HSF2BP: variants seen among roughly 807,000 people sequenced by gnomAD.
HSF2BP encodes heat shock factor 2-binding protein.
In HSF2BP, 35 loss-of-function variants were observed where a neutral mutation model predicts 35.0. The ratio of observed to expected loss-of-function variants is 1.00; its 90% CI spans 0.76 to 1.32. The LOEUF (loss-of-function observed/expected upper bound fraction) is 1.32, where lower values mean the gene tolerates loss of function less well. Ranked by LOEUF, HSF2BP falls within the 40% of genes most tolerant of loss-of-function variation. The pLI is 0.00. For synonymous variants in HSF2BP, 114 were observed against 117.4 expected (o/e 0.97, Z 0.18); for missense variants, 326 against 321.7 (o/e 1.01, Z -0.10).
chr21:43,609,379 A>C (rs1220686786), intron 7 of HSF2BP, among the ~76,000 whole-genome samples: 3 of 152,212 alleles, frequency 2.0e-5, no homozygotes, highest in Non-Finnish European at 4.4e-5. Flanking sequence ...AAACCTTGGC[A>C]TCACGCAATA....
At chr21:43,604,232 A>ACACCACT (rs1352407942) in intron 7 of HSF2BP, among the ~76,000 whole-genome samples, 1 of 147,340 alleles carries the variant, frequency 6.8e-6, no homozygotes, top group Non-Finnish European at 1.5e-5. Context: ...CACACACCAC[A>ACACCACT]CACCACTCAC....
chr21:43,571,921 G>A (rs2081582864), intron 8 of HSF2BP, among the ~76,000 whole-genome samples: 1 of 151,508 alleles, frequency 6.6e-6, no homozygotes, highest in African/African-American at 2.4e-5. Context: ...AAACAGCGGG[G>A]AGAGAGAGGG....
intron 8 of HSF2BP, among the ~76,000 whole-genome samples, chr21:43,581,953 T>C (rs12627618): frequency 1.1e-5 from 1 of 88,382 alleles, no homozygotes; most frequent in Non-Finnish European, 2.1e-5. Context: ...GAGGGTCTGC[T>C]GTGGGAGATG....
intron 3 of HSF2BP, among the ~76,000 whole-genome samples, chr21:43,649,946 T>C (rs1195050142): frequency 6.6e-6 from 1 of 152,204 alleles, no homozygotes; most frequent in East Asian, 1.9e-4. Flanking sequence ...GTGAACTACT[T>C]CAAAACCACC....
chr21:43,582,338 G>A (rs2081762193), intron 8 of HSF2BP, among the ~76,000 whole-genome samples: 2 of 140,324 alleles, frequency 1.4e-5, no homozygotes, highest in East Asian at 2.1e-4. Context: ...CGGGAGATGA[G>A]GGCCGGCTGA....
At chr21:43,595,623 A>G (rs1208388365) in intron 7 of HSF2BP, among the ~76,000 whole-genome samples, 1 of 150,706 alleles carries the variant, frequency 6.6e-6, no homozygotes, top group Admixed American at 6.6e-5. Flanking sequence ...GTGCTACTAC[A>G]CTCCAGCCTG....
chr21:43,619,126 A>G (rs1367674533), intron 6 of HSF2BP, among the ~76,000 whole-genome samples: 1 of 152,128 alleles, frequency 6.6e-6, no homozygotes, highest in East Asian at 1.9e-4. Flanking sequence ...TTCATACTTA[A>G]CAGACTAAAG....
intron 6 of HSF2BP, among the ~76,000 whole-genome samples, chr21:43,619,184 A>T (rs1412838715): frequency 6.6e-6 from 1 of 152,150 alleles, no homozygotes; most frequent in Non-Finnish European, 1.5e-5. Context: ...CAAAAAATTC[A>T]TGTGACTCAC....
chr21:43,633,188 CT>C, intron 5 of HSF2BP, 83 bp downstream of exon 5: 2 of 1,414,514 alleles, frequency 1.4e-6, no homozygotes, highest in Non-Finnish European at 1.9e-6. Flanking sequence ...TGGACTTAGT[CT>C]TTAAATGCCT....
intron 7 of HSF2BP, among the ~76,000 whole-genome samples, chr21:43,598,392 T>TA (rs1555860193): frequency 3.3e-5 from 5 of 150,514 alleles, no homozygotes; most frequent in Non-Finnish European, 7.4e-5. Context: ...TTTTTTTGTT[T>TA]TTTTTTTTTA....
At chr21:43,605,138 ACAC>A (rs1217919933) in intron 7 of HSF2BP, among the ~76,000 whole-genome samples, 1 of 150,026 alleles carries the variant, frequency 6.7e-6, no homozygotes, top group Non-Finnish European at 1.5e-5. Context: ...GATACCACAC[ACAC>A]ATCAGACACA....
chr21:43,634,814 T>C (rs914894324), intron 4 of HSF2BP, among the ~76,000 whole-genome samples: 1 of 152,204 alleles, frequency 6.6e-6, no homozygotes, highest in Non-Finnish European at 1.5e-5. Flanking sequence ...GACTCCTAGA[T>C]TCATCCTTTC....
intron 6 of HSF2BP, among the ~76,000 whole-genome samples, chr21:43,618,350 G>A (rs1032631737): frequency 1.6e-4 from 24 of 152,104 alleles, no homozygotes; most frequent in African/African-American, 5.8e-4. Flanking sequence ...GCTTTAGACT[G>A]TAATAGTTTC....
chr21:43,587,370 A>G (rs1384863621), intron 8 of HSF2BP, among the ~76,000 whole-genome samples: 5 of 152,210 alleles, frequency 3.3e-5, no homozygotes, highest in Non-Finnish European at 7.3e-5. Context: ...TTCACGGATA[A>G]GAAAGCCTGG....
chr21:43,580,197 C>T (rs2081706661), intron 8 of HSF2BP, among the ~76,000 whole-genome samples: 1 of 152,184 alleles, frequency 6.6e-6, no homozygotes, highest in South Asian at 2.1e-4. Context: ...TTGTCTCCAA[C>T]TACTTCTTGG....
intron 7 of HSF2BP, among the ~76,000 whole-genome samples, chr21:43,608,497 T>C (rs943300208): frequency 8.5e-5 from 13 of 152,138 alleles, no homozygotes; most frequent in Non-Finnish European, 1.3e-4. Flanking sequence ...ACACTGTTGG[T>C]GGGAATGTAA....
At chr21:43,578,988 A>T (rs1053146692) in intron 8 of HSF2BP, among the ~76,000 whole-genome samples, 1 of 152,226 alleles carries the variant, frequency 6.6e-6, no homozygotes, top group Non-Finnish European at 1.5e-5. Context: ...TTTTCTTAAC[A>T]ATTTCAGCAC....
chr21:43,594,625 A>G (rs549762342), intron 7 of HSF2BP, among the ~76,000 whole-genome samples: 2 of 152,280 alleles, frequency 1.3e-5, no homozygotes, highest in South Asian at 2.1e-4. Flanking sequence ...TGAAAGAAAG[A>G]TAACAGAGTA....
chr21:43,632,831 C>CA (rs2147020423), intron 5 of HSF2BP, among the ~76,000 whole-genome samples: 1 of 152,218 alleles, frequency 6.6e-6, no homozygotes, highest in Admixed American at 6.5e-5. Context: ...TGCAGGGGGT[C>CA]AGCGCCTCCA....
Sources: allele counts gnomAD v4.1 joint callset (sites outside exome capture counted in the v4.1 genomes callset), GRCh38; gene constraint gnomAD v4.1.1; transcripts MANE v1.5; gene names NCBI Gene and HGNC (gene_info 2026-07-23, HGNC 2026-07-21).